GMCL1: variants seen among roughly 807,000 people sequenced by gnomAD.
The protein encoded by GMCL1 is germ cell-less 1, spermatogenesis associated, also known as germ cell-less protein-like 1.
Under a neutral mutation model 75.5 loss-of-function variants are expected in GMCL1, and 54 were observed. That is an observed-to-expected ratio of 0.71 (90% CI 0.57 to 0.90). GMCL1 has a LOEUF of 0.90. GMCL1 is among the 40% of genes least tolerant of loss of function. The pLI is 0.00. For synonymous variants in GMCL1, 210 were observed against 209.6 expected, an observed-to-expected ratio of 1.00 and a Z score of -0.02; for missense variants, 537 against 622.7, an observed-to-expected ratio of 0.86 and a Z score of 1.47.
chr2:69,844,488 A>G (rs1675076224), intron 6 of GMCL1: 1 of 186,986 alleles, frequency 5.3e-6, no homozygotes, highest in Non-Finnish European at 1.1e-5. Context: ...TTTAAAAGTT[A>G]TATTTTAAAA....
chr2:69,860,618 GAT>G (rs1461834944), intron 9 of GMCL1, among the ~76,000 whole-genome samples: 1 of 151,986 alleles, frequency 6.6e-6, no homozygotes, highest in Non-Finnish European at 1.5e-5. Flanking sequence ...TATAGTTTCA[GAT>G]ATGATTTTTA....
At chr2:69,872,262 C>T (rs1291943425) in intron 13 of GMCL1, among the ~76,000 whole-genome samples, 1 of 152,112 alleles carries the variant, frequency 6.6e-6, no homozygotes, top group Non-Finnish European at 1.5e-5. Context: ...TTCTCTAGCC[C>T]ATTAGGTTCG....
intron 11 of GMCL1, 25 bp downstream of exon 11, chr2:69,865,000 T>C: frequency 6.5e-7 from 1 of 1,534,992 alleles, no homozygotes; most frequent in Non-Finnish European, 9.0e-7. Flanking sequence ...TGACTGTTAA[T>C]ATTCTTATAC....
rs759662576 is a variant in GMCL1 at position 69,871,841 on chromosome 2, G to A, written c.1452+9G>A. 1.3e-5 allele frequency: 19 copies of A among 1,465,482 alleles called. No homozygotes were observed. Among genetic ancestry groups the A allele is most frequent in the African/African-American group, 9.9e-5 (7 of 70,902 alleles). The allele number at this position is 1,465,482 out of a possible 1,614,324, so 90.8% of individuals were successfully genotyped here. A position where few individuals can be genotyped will look rare whatever the true frequency, so the allele number is the denominator to read the frequency against. Reference sequence around the variant, plus strand: ...CACTTGAAAAGGATCAGGTATGTTCGATTATCTTCTGGTATGTCATCATAA... The same window carrying A: ...CACTTGAAAAGGATCAGGTATGTTCAATTATCTTCTGGTATGTCATCATAA... On this transcript the variant is annotated intron_variant, in intron 13 of 13. Transcript: ENST00000282570.
At chr2:69,850,996 T>C (rs1675304227) in intron 8 of GMCL1, among the ~76,000 whole-genome samples, 1 of 152,270 alleles carries the variant, frequency 6.6e-6, no homozygotes, top group African/African-American at 2.4e-5. Context: ...CTGTGAGATA[T>C]CTGTTCAGGT....
At chr2:69,833,488 C>T (rs138387250) in intron 1 of GMCL1, among the ~76,000 whole-genome samples, 146 of 152,234 alleles carry the variant, frequency 9.6e-4, no homozygotes, top group African/African-American at 3.2e-3. Context: ...TGGTGGTGCA[C>T]GCCTGTATTC....
At chr2:69,836,514 C>T (rs1345480892) in intron 1 of GMCL1, among the ~76,000 whole-genome samples, 1 of 152,186 alleles carries the variant, frequency 6.6e-6, no homozygotes, top group Non-Finnish European at 1.5e-5. Flanking sequence ...AAACCCAAGT[C>T]TGTTACCACT....
At position 69,829,783 on chromosome 2, in the gene GMCL1, G is replaced by C; in HGVS notation, c.-110G>C. 1 of 1,203,484 alleles carries C rather than the reference G, an allele frequency of 8.3e-7. No individual in the cohort carries two copies. Among genetic ancestry groups the C allele is most frequent in the South Asian group, 1.6e-5 (1 of 62,760 alleles). The allele number at this position is 1,203,484 out of a possible 1,614,324, so 74.6% of individuals were successfully genotyped here. A position where few individuals can be genotyped will look rare whatever the true frequency, so the allele number is the denominator to read the frequency against. On this transcript the variant is annotated 5_prime_UTR_variant, in exon 1 of 14. Coordinates refer to ENST00000282570, the MANE Select transcript of GMCL1 (RefSeq NM_178439.5). ...CTGCAACGGTTGGGGCTGCGCGTGAGAAGGTGGCGGTGTAGGCACCTGCGC... is the reference window on the plus strand; with the variant it reads ...CTGCAACGGTTGGGGCTGCGCGTGACAAGGTGGCGGTGTAGGCACCTGCGC...
At chr2:69,848,668 A>T (rs1019327464) in intron 7 of GMCL1, among the ~76,000 whole-genome samples, 2 of 152,244 alleles carry the variant, frequency 1.3e-5, no homozygotes, top group Admixed American at 1.3e-4. Context: ...TCACAGTGGC[A>T]TTCATTTCTG....
chr2:69,849,851 T>G, intron 8 of GMCL1, 109 bp downstream of exon 8: 3 of 580,534 alleles, frequency 5.2e-6, no homozygotes, highest in Non-Finnish European at 8.6e-6. Context: ...AATCAGGCCC[T>G]GACTTGTTTA....
chr2:69,843,988 T>A (rs1675060090), intron 5 of GMCL1, 143 bp from the exon 6 acceptor site: 1 of 449,766 alleles, frequency 2.2e-6, no homozygotes, highest in African/African-American at 2.1e-5. Context: ...CTGACAAAAA[T>A]AATACTAAAT....
chr2:69,843,698 G>A (rs1675050098), intron 5 of GMCL1, among the ~76,000 whole-genome samples: 1 of 152,220 alleles, frequency 6.6e-6, no homozygotes, highest in Admixed American at 6.5e-5. Flanking sequence ...GCTGAGGTCA[G>A]AGGATTCTTT....
rs1254803973 is a variant in GMCL1, at chr2:69,829,773, C to G, written c.-120C>G. On this transcript the variant is annotated 5_prime_UTR_variant, in exon 1 of 14. Transcript: ENST00000282570. The stretch of plus-strand genomic sequence containing the variant: ...GTGGCGTCCGCTGCAACGGTTGGGG[C>G]TGCGCGTGAGAAGGTGGCGGTGTAG... 3 of 1,135,912 alleles carry G rather than the reference C, an allele frequency of 2.6e-6. No homozygotes were observed. The Admixed American group carries it at 8.7e-5, about 33-fold the overall frequency. The allele number at this position is 1,135,912 out of a possible 1,614,324, so 70.4% of individuals were successfully genotyped here.
chr2:69,865,850 G>T lies in GMCL1; in HGVS notation c.1218+875G>T, dbSNP rs1287530683. On this transcript the variant is annotated intron_variant, in intron 11 of 13. Coordinates refer to ENST00000282570, the MANE Select transcript of GMCL1 (RefSeq NM_178439.5). The stretch of plus-strand genomic sequence containing the variant: ...AGTGGCGTGACCACAGCTCACTGCA[G>T]CCTTTAACTCCCAGGCTCAAGCACT... 3.9e-5 allele frequency among the ~76,000 whole-genome samples: 6 copies of T among 152,152 alleles called. No homozygotes were observed. The East Asian group carries it at 1.2e-3, about 29-fold the overall frequency.
intron 6 of GMCL1, among the ~76,000 whole-genome samples, chr2:69,845,434 T>C (rs1334235665): frequency 6.6e-6 from 1 of 152,190 alleles, no homozygotes; most frequent in Non-Finnish European, 1.5e-5. Context: ...CCACCCAAGC[T>C]GCAGAGCAGC....
At chr2:69,846,999 ATTTTT>A (rs563722124) in intron 6 of GMCL1, among the ~76,000 whole-genome samples, 2 of 133,064 alleles carry the variant, frequency 1.5e-5, no homozygotes, top group Non-Finnish European at 1.6e-5. Flanking sequence ...TGATTGGCTA[ATTTTT>A]TTTTTTTTTT....
intron 11 of GMCL1, among the ~76,000 whole-genome samples, chr2:69,865,971 C>T (rs541511754): frequency 6.6e-6 from 1 of 152,220 alleles, no homozygotes; most frequent in South Asian, 2.1e-4. Flanking sequence ...CTGATTGTGG[C>T]TGGGCACGGC....
intron 12 of GMCL1, among the ~76,000 whole-genome samples, chr2:69,870,405 C>T (rs1462824551): frequency 6.6e-6 from 1 of 152,038 alleles, no homozygotes; most frequent in Non-Finnish European, 1.5e-5. Flanking sequence ...AACTATGAAA[C>T]TCTTGGAAGA....
intron 9 of GMCL1, among the ~76,000 whole-genome samples, chr2:69,860,966 C>A (rs866955293): frequency 1.3e-5 from 2 of 152,184 alleles, no homozygotes; most frequent in African/African-American, 2.4e-5. Context: ...CCTCAGCCCC[C>A]CAAGTAGTTG....
Sources: allele counts gnomAD v4.1 joint callset (sites outside exome capture counted in the v4.1 genomes callset), GRCh38; gene constraint gnomAD v4.1.1; transcripts MANE v1.5; gene names NCBI Gene and HGNC (gene_info 2026-07-23, HGNC 2026-07-21).